Variants in NELFA observed in about 807,000 individuals in gnomAD.
NELFA encodes the protein negative elongation factor A.
NELFA carries 35 observed loss-of-function variants against 51.8 expected under a neutral mutation model. The ratio of observed to expected loss-of-function variants is 0.68; its 90% CI spans 0.52 to 0.90. The LOEUF (loss-of-function observed/expected upper bound fraction) is 0.90. Among genes scored for constraint, NELFA ranks in the 40% least tolerant of loss-of-function variants. NELFA has a pLI of 0.00. For missense variants in NELFA, 658 were observed against 746.4 expected, an observed-to-expected ratio of 0.88 and a Z score of 1.38; for synonymous variants, 417 against 338.4, an observed-to-expected ratio of 1.23 and a Z score of -2.55.
At chr4:2,004,371 G>A in intron 1 of NELFA, among the ~76,000 whole-genome samples, 1 of 152,128 alleles carries the variant, frequency 6.6e-6, no homozygotes, top group African/African-American at 2.4e-5. Flanking sequence ...TTTGGGGGAT[G>A]ATGAAAATGT....
chr4:2,004,303 A>G (rs1728651169), intron 1 of NELFA, among the ~76,000 whole-genome samples: 1 of 152,224 alleles, frequency 6.6e-6, no homozygotes, highest in African/African-American at 2.4e-5. Context: ...GTAGATTACT[A>G]GTCACCTAGG....
chr4:1,990,939 G>A (rs1426493197), intron 2 of NELFA, among the ~76,000 whole-genome samples: 3 of 152,160 alleles, frequency 2.0e-5, no homozygotes, highest in Non-Finnish European at 2.9e-5. Flanking sequence ...TACCTGGGAG[G>A]ACAGGCATGT....
chr4:2,007,990 C>A, intron 1 of NELFA: 1 of 457,042 alleles, frequency 2.2e-6, no homozygotes, highest in South Asian at 1.5e-5. Context: ...TGGAATGACG[C>A]AAAACGGCGT....
intron 1 of NELFA, 29 bp from the exon 2 acceptor site, chr4:1,991,744 C>G: frequency 6.4e-7 from 1 of 1,562,040 alleles, no homozygotes; most frequent in Non-Finnish European, 8.7e-7. Context: ...CCGGCGCCAC[C>G]ATGCCCCTGC....
intron 4 of NELFA, 108 bp from the exon 5 acceptor site, chr4:1,986,510 G>A (rs1484656742): frequency 5.2e-6 from 8 of 1,543,084 alleles, no homozygotes; most frequent in South Asian, 4.8e-5. Flanking sequence ...CAGAGGGGAA[G>A]GGCCAAACCC....
intron 1 of NELFA, among the ~76,000 whole-genome samples, chr4:1,995,166 C>T (rs1368386863): frequency 6.6e-6 from 1 of 152,224 alleles, no homozygotes; most frequent in Non-Finnish European, 1.5e-5. Flanking sequence ...GGAACTCCTG[C>T]CTGTTTGAGC....
intron 1 of NELFA, among the ~76,000 whole-genome samples, 191 bp downstream of exon 1, chr4:2,008,559 G>A (rs540061731): frequency 2.0e-4 from 30 of 147,018 alleles, no homozygotes; most frequent in African/African-American, 7.1e-4. Flanking sequence ...AGGACCCAGG[G>A]GGAGGTGAGG....
intron 4 of NELFA, 84 bp downstream of exon 4, chr4:1,987,834 T>C: frequency 8.5e-7 from 1 of 1,183,120 alleles, no homozygotes; most frequent in African/African-American, 1.5e-5. Context: ...AGGCACCACC[T>C]CCCCAACAGG....
At chr4:1,990,553 G>C (rs1198036646) in intron 2 of NELFA, 1 of 455,432 alleles carries the variant, frequency 2.2e-6, no homozygotes, top group East Asian at 7.0e-5. Flanking sequence ...TCTGTGTGGT[G>C]TGTGTGACCT....
At chr4:2,005,382 A>C (rs1728682956) in intron 1 of NELFA, among the ~76,000 whole-genome samples, 1 of 152,166 alleles carries the variant, frequency 6.6e-6, no homozygotes, top group African/African-American at 2.4e-5. Flanking sequence ...GAGATTCTAT[A>C]GAAAAAAAAA....
intron 1 of NELFA, 105 bp from the exon 2 acceptor site, chr4:1,991,820 C>G: frequency 8.2e-7 from 1 of 1,215,822 alleles, no homozygotes; most frequent in East Asian, 2.4e-5. Context: ...GGCTCTCTGG[C>G]AGTTGCCCCC....
intron 4 of NELFA, 166 bp downstream of exon 4, chr4:1,987,752 A>T: frequency 1.7e-6 from 1 of 591,986 alleles, no homozygotes; most frequent in Non-Finnish European, 2.9e-6. Flanking sequence ...CCAAGGGGAG[A>T]AGCCGGTGAA....
chr4:1,986,048 C>A (rs1728082231), intron 6 of NELFA, 66 bp downstream of exon 6: 2 of 1,519,708 alleles, frequency 1.3e-6, no homozygotes, highest in Admixed American at 4.1e-5. Flanking sequence ...TGGGCACAAC[C>A]CACCCCAACT....
At chr4:1,992,447 T>C in intron 1 of NELFA, 1 of 433,618 alleles carries the variant, frequency 2.3e-6, no homozygotes, top group African/African-American at 2.0e-5. Context: ...TTCGGCCACA[T>C]AAACCCCCTC....
intron 4 of NELFA, among the ~76,000 whole-genome samples, chr4:1,987,199 T>C (rs1728131254): frequency 6.6e-6 from 1 of 152,224 alleles, no homozygotes; most frequent in Admixed American, 6.5e-5. Flanking sequence ...GTCTGGGAGC[T>C]GCATGGAGAG....
chr4:1,988,714 T>C (rs904222819), intron 3 of NELFA, among the ~76,000 whole-genome samples: 36 of 152,274 alleles, frequency 2.4e-4, no homozygotes, highest in African/African-American at 7.5e-4. Context: ...AACGATGTTA[T>C]TGAAATCTTT....
intron 1 of NELFA, among the ~76,000 whole-genome samples, chr4:2,005,155 A>G (rs1037611569): frequency 6.6e-6 from 1 of 152,028 alleles, no homozygotes; most frequent in African/African-American, 2.4e-5. Context: ...TTTTTTTTAC[A>G]AGTCTTCTAA....
chr4:1,997,470 G>A (rs1728456883), intron 1 of NELFA, among the ~76,000 whole-genome samples: 1 of 152,222 alleles, frequency 6.6e-6, no homozygotes, highest in Non-Finnish European at 1.5e-5. Flanking sequence ...CCGCAGGAAT[G>A]CAAGGTTGGT....
chr4:1,983,691 T>C lies in NELFA; in HGVS notation c.1307A>G (p.Glu436Gly). The C allele has an allele frequency of 6.2e-7, 1 of 1,613,876 alleles. No homozygotes were observed. The highest frequency in any genetic ancestry group is 8.5e-7 in the Non-Finnish European group (1 of 1,179,928). Residue 436 changes from glutamate (E) to glycine (G), a missense_variant, in exon 10 of 11, where the codon GAG becomes GGG. This residue lies in a region of NELFA where 200 missense variants were observed against 167.9 expected (regional missense o/e 1.19). Coordinates refer to ENST00000382882, the MANE Select transcript of NELFA (RefSeq NM_005663.5). ...CATCTCCTGGGCAGCGAACATCTGC[T>C]CTCTCTACAGCGGGGAGAGGGGTGT... ...QPKKNLSLTR[E>G]QMFAAQEMFK...
Sources: gnomAD v4.1 joint callset for allele counts (sites outside exome capture counted in the v4.1 genomes callset) on GRCh38, gnomAD v4.1.1 for gene constraint, gnomAD v4.1.1 regional missense constraint, MANE v1.5 for transcripts, NCBI Gene and HGNC (gene_info 2026-07-23, HGNC 2026-07-21) for gene names.